The following METTL8 variants were observed in gnomAD, a reference collection of about 807,000 sequenced individuals.
The protein encoded by METTL8 is methyltransferase 8, tRNA N3-cytidine.
In METTL8, 32 loss-of-function variants were observed where a neutral mutation model predicts 48.7. That is an observed-to-expected ratio of 0.66 (90% CI 0.50 to 0.88). METTL8 has a LOEUF of 0.88. Among genes scored for constraint, METTL8 ranks in the 40% least tolerant of loss-of-function variants. The pLI is 0.00. For synonymous variants in METTL8, 136 were observed against 157.1 expected, an observed-to-expected ratio of 0.87 and a Z score of 1.01; for missense variants, 464 against 474.4, an observed-to-expected ratio of 0.98 and a Z score of 0.20.
At chr2:171,331,710 C>G in intron 6 of METTL8, 94 bp downstream of exon 6, 1 of 1,002,662 alleles carries the variant, frequency 1.0e-6, no homozygotes, top group Non-Finnish European at 1.5e-6. Context: ...AGCCACCACG[C>G]CCTGCCTCTA....
At chr2:171,411,265 A>G (rs1690721273) in intron 1 of METTL8, among the ~76,000 whole-genome samples, 1 of 152,264 alleles carries the variant, frequency 6.6e-6, no homozygotes, top group Non-Finnish European at 1.5e-5. Flanking sequence ...AGAAATTCCA[A>G]AAATGTTTTG....
At chr2:171,390,688 A>C (rs1301360765) in intron 2 of METTL8, among the ~76,000 whole-genome samples, 1 of 152,232 alleles carries the variant, frequency 6.6e-6, no homozygotes, top group Non-Finnish European at 1.5e-5. Context: ...GAATTGCTGC[A>C]ATCTCATGAT....
chr2:171,430,071 C>G (rs193142428), intron 1 of METTL8, among the ~76,000 whole-genome samples: 1 of 150,142 alleles, frequency 6.7e-6, no homozygotes. Context: ...AGGAATTCTG[C>G]TATGGGCCAG....
intron 2 of METTL8, among the ~76,000 whole-genome samples, chr2:171,370,949 C>T (rs751990255): frequency 2.0e-5 from 3 of 151,946 alleles, no homozygotes; most frequent in Non-Finnish European, 2.9e-5. Context: ...GGCAGGTGGA[C>T]ATATTACACT....
At chr2:171,354,953 C>A (rs1280122730) in intron 3 of METTL8, among the ~76,000 whole-genome samples, 1 of 152,152 alleles carries the variant, frequency 6.6e-6, no homozygotes, top group Non-Finnish European at 1.5e-5. Context: ...TCGTCTGAAG[C>A]CTTCTTCTCT....
At chr2:171,367,288 T>C (rs896459894) in intron 2 of METTL8, among the ~76,000 whole-genome samples, 1 of 151,942 alleles carries the variant, frequency 6.6e-6, no homozygotes, top group Admixed American at 6.6e-5. Flanking sequence ...GTAGCTACCA[T>C]ATACAGTGGG....
chr2:171,394,534 T>C (rs6747400), intron 1 of METTL8, among the ~76,000 whole-genome samples: 32,673 of 152,128 alleles, frequency 0.21, 4,308 homozygotes, highest in East Asian at 0.6. Flanking sequence ...GCTGCTAGTC[T>C]GTGGAGAAAG....
At chr2:171,349,609 A>T (rs1357791023) in intron 3 of METTL8, among the ~76,000 whole-genome samples, 1 of 152,238 alleles carries the variant, frequency 6.6e-6, no homozygotes, top group Non-Finnish European at 1.5e-5. Context: ...TATTGTGAAT[A>T]GTGCTGCTAT....
chr2:171,427,837 T>C (rs752564249), intron 1 of METTL8, among the ~76,000 whole-genome samples: 1 of 152,238 alleles, frequency 6.6e-6, no homozygotes, highest in Non-Finnish European at 1.5e-5. Context: ...TCCTGTTTAC[T>C]GCTATACCCT....
rs747455453 is a variant in METTL8 at position 171,330,612 on chromosome 2, C to T, written c.807G>A (p.Gly269=). ...AGACAAGGAGAATGACATCCAGGAT[C>T]CCATCTGGAAAAGGGTAAGGTAAGC... The part of the protein sequence containing the change: ...DDGLPYPFPD[G]ILDVILLVFV... The change falls in exon 7 of 10, where the codon GGG becomes GGA. Residue 269 remains glycine (G), a synonymous_variant. Transcript: ENST00000375258. 50 of 1,613,234 alleles carry T rather than the reference C, an allele frequency of 3.1e-5. No homozygotes were observed. Among genetic ancestry groups the T allele is most frequent in the Non-Finnish European group, 4.2e-5 (50 of 1,179,480 alleles).
In METTL8 at chr2:171,335,184, T is replaced by C. The variant is rs570368386; in HGVS notation, c.656+2269A>G. Among the ~76,000 whole-genome samples, 20 of 152,276 alleles carry C rather than the reference T, an allele frequency of 1.3e-4. No homozygotes were observed. In the East Asian group the frequency reaches 3.9e-3, roughly 29 times the overall value. On this transcript the variant is annotated intron_variant, in intron 5 of 9. Coordinates refer to ENST00000375258, the MANE Select transcript of METTL8 (RefSeq NM_001321154.2). ...GAAAGGACATTCAGAACTGTAAATTTACCAGCATCACCCAGGCCTGGCCAC... is the reference window on the plus strand; with the variant it reads ...GAAAGGACATTCAGAACTGTAAATTCACCAGCATCACCCAGGCCTGGCCAC...
intron 2 of METTL8, among the ~76,000 whole-genome samples, chr2:171,389,289 T>C (rs1574094778): frequency 6.6e-6 from 1 of 151,630 alleles, no homozygotes; most frequent in African/African-American, 2.4e-5. Context: ...GGAGGCTGAG[T>C]TGGAAAGATC....
intron 2 of METTL8, among the ~76,000 whole-genome samples, chr2:171,364,685 C>T (rs1685537577): frequency 6.6e-6 from 1 of 152,132 alleles, no homozygotes; most frequent in South Asian, 2.1e-4. Flanking sequence ...AAAACACACA[C>T]ACACACACCC....
intron 3 of METTL8, among the ~76,000 whole-genome samples, chr2:171,342,638 A>G (rs953970294): frequency 6.6e-6 from 1 of 152,086 alleles, no homozygotes; most frequent in African/African-American, 2.4e-5. Flanking sequence ...CTCTCTTTGT[A>G]ACTCATTCCA....
At chr2:171,357,477 G>A (rs146459945) in intron 3 of METTL8, among the ~76,000 whole-genome samples, 4 of 152,180 alleles carry the variant, frequency 2.6e-5, no homozygotes, top group East Asian at 1.9e-4. Context: ...TTAAATCAGA[G>A]ATGTGAAAAA....
At chr2:171,406,140 C>G (rs1194217836) in intron 1 of METTL8, among the ~76,000 whole-genome samples, 1 of 152,090 alleles carries the variant, frequency 6.6e-6, no homozygotes, top group South Asian at 2.1e-4. Context: ...GAACATATAC[C>G]CTATGCTAAG....
chr2:171,359,405 A>G (rs1174544887), intron 3 of METTL8, among the ~76,000 whole-genome samples: 4 of 152,136 alleles, frequency 2.6e-5, no homozygotes, highest in African/African-American at 9.7e-5. Context: ...ACCTTCATAC[A>G]CTGTTGGTGG....
chr2:171,400,688 G>A (rs1024792410), intron 1 of METTL8, among the ~76,000 whole-genome samples: 12 of 152,130 alleles, frequency 7.9e-5, no homozygotes, highest in African/African-American at 2.7e-4. Context: ...TAACACCCAC[G>A]TCTTTTCACC....
At chr2:171,339,612 C>T (rs1686495386) in intron 3 of METTL8, 58 bp from the exon 4 acceptor site, 27 of 941,820 alleles carry the variant, frequency 2.9e-5, no homozygotes, top group Non-Finnish European at 4.0e-5. Flanking sequence ...TTACTATTAG[C>T]TACTGTCTTG....
Sources: gnomAD v4.1 joint callset for allele counts (sites outside exome capture counted in the v4.1 genomes callset) on GRCh38, gnomAD v4.1.1 for gene constraint, MANE v1.5 for transcripts, NCBI Gene and HGNC (gene_info 2026-07-23, HGNC 2026-07-21) for gene names.